Variants in SNTG1 observed in about 807,000 individuals in gnomAD.
SNTG1 encodes syntrophin gamma 1.
SNTG1 carries 39 observed loss-of-function variants against 74.7 expected under a neutral mutation model. That is an observed-to-expected ratio of 0.52 (90% CI 0.40 to 0.68). The LOEUF is 0.68. Ranked by LOEUF, SNTG1 falls within the 30% of genes least tolerant of loss-of-function variation. SNTG1 has a pLI of 0.00. For synonymous variants in SNTG1, 254 were observed against 217.1 expected (o/e 1.17, Z -1.49); for missense variants, 685 against 609.5 (o/e 1.12, Z -1.30).
intron 2 of SNTG1, among the ~76,000 whole-genome samples, chr8:50,341,412 C>T (rs11998275): frequency 0.065 from 9,923 of 151,890 alleles, 350 homozygotes; most frequent in African/African-American, 0.072. Context: ...ATATTTGCTA[C>T]AGTCATTTCT....
At chr8:49,936,845 T>C (rs1298387639) in intron 1 of SNTG1, among the ~76,000 whole-genome samples, 4 of 152,166 alleles carry the variant, frequency 2.6e-5, no homozygotes, top group Non-Finnish European at 5.9e-5. Flanking sequence ...TCAACCTAGA[T>C]GAACTTCAAA....
rs576154890 is a variant in SNTG1 at position 50,554,586 on chromosome 8, G to C, written c.810+1407G>C. Among the ~76,000 whole-genome samples, 644 of 151,604 alleles carry C rather than the reference G, an allele frequency of 4.2e-3. 9 individuals are homozygous for C. Among genetic ancestry groups the C allele is most frequent in the African/African-American group, 0.014 (583 of 41,302 alleles). ...ACATGGGTATGTCTAGTTTGGGCAA[G>C]AGTGAGCTCTCACTCCCAACCCACC... On this transcript the variant is annotated intron_variant, in intron 12 of 18. Transcript: ENST00000642720.
chr8:49,981,425 G>A (rs1389907618), intron 1 of SNTG1, among the ~76,000 whole-genome samples: 1 of 73,284 alleles, frequency 1.4e-5, no homozygotes, highest in Non-Finnish European at 2.6e-5. Context: ...CTTGGAGGCA[G>A]GCTAGACTGA....
intron 2 of SNTG1, among the ~76,000 whole-genome samples, chr8:50,358,623 C>T (rs184029956): frequency 6.6e-6 from 1 of 152,250 alleles, no homozygotes; most frequent in African/African-American, 2.4e-5. Context: ...CAAGAAGTGT[C>T]TAATGATTAT....
intron 9 of SNTG1, among the ~76,000 whole-genome samples, chr8:50,522,139 A>G (rs1470765299): frequency 1.3e-5 from 2 of 152,184 alleles, no homozygotes; most frequent in African/African-American, 2.4e-5. Context: ...ATAATATGAC[A>G]TGAAACTTTG....
At chr8:50,778,683 G>T (rs1469928058) in intron 18 of SNTG1, among the ~76,000 whole-genome samples, 7 of 127,686 alleles carry the variant, frequency 5.5e-5, no homozygotes, top group South Asian at 4.9e-4. Flanking sequence ...AGTTTCTTTT[G>T]CTGTGCAGAA....
chr8:50,095,558 A>G (rs1486856413), intron 1 of SNTG1, among the ~76,000 whole-genome samples: 4 of 152,170 alleles, frequency 2.6e-5, no homozygotes, highest in Admixed American at 2.0e-4. Context: ...AATGAAATCC[A>G]CATAAGATAT....
At chr8:50,310,876 A>G (rs1219147946) in intron 2 of SNTG1, among the ~76,000 whole-genome samples, 17 of 152,218 alleles carry the variant, frequency 1.1e-4, no homozygotes, top group Admixed American at 9.8e-4. Flanking sequence ...TATGTGTATA[A>G]TTGAATCATG....
chr8:50,070,770 A>C (rs1821298045), intron 1 of SNTG1, among the ~76,000 whole-genome samples: 1 of 152,162 alleles, frequency 6.6e-6, no homozygotes, highest in African/African-American at 2.4e-5. Flanking sequence ...TTATCCAATC[A>C]ATGTGTGGGT....
intron 1 of SNTG1, among the ~76,000 whole-genome samples, chr8:50,018,178 G>A (rs932520717): frequency 1.3e-5 from 2 of 151,930 alleles, no homozygotes; most frequent in South Asian, 2.1e-4. Flanking sequence ...TATAAAATTT[G>A]TATGGAAAGA....
At chr8:50,549,637 C>T (rs981616461) in intron 11 of SNTG1, among the ~76,000 whole-genome samples, 2 of 152,152 alleles carry the variant, frequency 1.3e-5, no homozygotes, top group African/African-American at 4.8e-5. Flanking sequence ...TGAGTTATCA[C>T]TGATTACACC....
At chr8:50,380,563 T>G (rs900561101) in intron 2 of SNTG1, among the ~76,000 whole-genome samples, 1 of 152,192 alleles carries the variant, frequency 6.6e-6, no homozygotes, top group Non-Finnish European at 1.5e-5. Context: ...ATCATTTAAA[T>G]CCAAAATATT....
chr8:50,682,311 A>G (rs2095334403), intron 15 of SNTG1, among the ~76,000 whole-genome samples: 1 of 152,052 alleles, frequency 6.6e-6, no homozygotes, highest in South Asian at 2.1e-4. Context: ...GAGCAGGGAT[A>G]CAAGCTGGAG....
chr8:50,718,917 A>G (rs1466409737), intron 17 of SNTG1, among the ~76,000 whole-genome samples: 1 of 152,224 alleles, frequency 6.6e-6, no homozygotes, highest in African/African-American at 2.4e-5. Context: ...GAACAGAGAC[A>G]GTGGTTGTTT....
intron 1 of SNTG1, among the ~76,000 whole-genome samples, chr8:49,936,891 G>A (rs1173904185): frequency 2.0e-5 from 3 of 152,318 alleles, no homozygotes; most frequent in South Asian, 2.1e-4. Context: ...GCTCATGTCT[G>A]TAATCCCAGC....
At chr8:49,955,049 A>T (rs113457758) in intron 1 of SNTG1, among the ~76,000 whole-genome samples, 1 of 152,192 alleles carries the variant, frequency 6.6e-6, no homozygotes, top group Non-Finnish European at 1.5e-5. Context: ...CACAATTTTA[A>T]TATTAGGTAT....
At chr8:50,704,183 G>C (rs1037413105) in intron 15 of SNTG1, among the ~76,000 whole-genome samples, 2 of 152,020 alleles carry the variant, frequency 1.3e-5, no homozygotes, top group African/African-American at 2.4e-5. Flanking sequence ...TCATGGAGAA[G>C]AATATTTTGG....
intron 4 of SNTG1, among the ~76,000 whole-genome samples, chr8:50,413,692 A>G (rs2092979145): frequency 6.6e-6 from 1 of 152,182 alleles, no homozygotes; most frequent in Admixed American, 6.5e-5. Flanking sequence ...TTCCTTCAGT[A>G]ACATTTGGAT....
chr8:50,579,440 G>A (rs1324356305), intron 12 of SNTG1, among the ~76,000 whole-genome samples: 2 of 152,206 alleles, frequency 1.3e-5, no homozygotes, highest in Non-Finnish European at 2.9e-5. Context: ...GTAGTGAAGA[G>A]CTGAAAGTTA....
Sources: gnomAD v4.1 joint callset for allele counts (sites outside exome capture counted in the v4.1 genomes callset) on GRCh38, gnomAD v4.1.1 for gene constraint, MANE v1.5 for transcripts, NCBI Gene and HGNC (gene_info 2026-07-23, HGNC 2026-07-21) for gene names.